Variants in ATL3 observed in about 807,000 individuals in gnomAD.
ATL3 encodes atlastin-3.
A neutral mutation model predicts 69.5 loss-of-function variants in ATL3; 49 were observed. The ratio of observed to expected loss-of-function variants is 0.71; its 90% CI spans 0.56 to 0.89. The LOEUF is 0.89. Ranked by LOEUF, ATL3 falls within the 40% of genes least tolerant of loss-of-function variation. The pLI is 0.00. For synonymous variants in ATL3, 214 were observed against 224.1 expected (o/e 0.95, Z 0.40); for missense variants, 606 against 645.7 (o/e 0.94, Z 0.67).
Position 63,628,200 on chromosome 11 carries a change from A to ACCATGACTTAT in ATL3, c.*1118_*1119insATAAGTCATGG, listed in dbSNP as rs1939182510. ...AAGTTCAAGTGACTTATCAGAGGTC[A>ACCATGACTTAT]CATGGTTCATTTAAACTTAGCTTTT... is the stretch of plus-strand genomic sequence containing the variant. On this transcript the variant is annotated 3_prime_UTR_variant, in exon 13 of 13. Transcript: ENST00000398868. 1 of 152,214 alleles carries ACCATGACTTAT rather than the reference A, an allele frequency of 6.6e-6. No individual in the cohort carries two copies. Among genetic ancestry groups the ACCATGACTTAT allele is most frequent in the East Asian group, 1.9e-4 (1 of 5,200 alleles). 9.4% of individuals were successfully genotyped at this position (152,214 alleles called of 1,614,324 possible).
intron 9 of ATL3, 146 bp downstream of exon 9, chr11:63,636,061 G>A (rs1053305869): frequency 1.0e-5 from 10 of 987,342 alleles, no homozygotes; most frequent in Admixed American, 2.6e-5. Context: ...CCCACTCCTG[G>A]AAGGACACCA....
intron 3 of ATL3, among the ~76,000 whole-genome samples, chr11:63,655,307 C>T (rs537259354): frequency 7.9e-5 from 12 of 152,254 alleles, no homozygotes; most frequent in Non-Finnish European, 1.3e-4. Flanking sequence ...GGCGCCACCA[C>T]GCCCAGCTAA....
intron 1 of ATL3, among the ~76,000 whole-genome samples, chr11:63,667,868 C>T (rs1040456418): frequency 1.3e-5 from 2 of 152,078 alleles, no homozygotes; most frequent in African/African-American, 2.4e-5. Context: ...GGCTATCCTA[C>T]GCACTACAGG....
At chr11:63,656,994 G>A (rs542920053) in intron 3 of ATL3, among the ~76,000 whole-genome samples, 3 of 151,932 alleles carry the variant, frequency 2.0e-5, no homozygotes, top group South Asian at 2.1e-4. Context: ...GGCGGATCAC[G>A]AGGTCAGGAG....
intron 1 of ATL3, among the ~76,000 whole-genome samples, chr11:63,665,510 G>A (rs1209293134): frequency 6.6e-6 from 1 of 152,112 alleles, no homozygotes; most frequent in Non-Finnish European, 1.5e-5. Flanking sequence ...ACCAGGCTCT[G>A]TTTAGTTGGA....
chr11:63,649,526 T>C (rs1590733953), intron 5 of ATL3, among the ~76,000 whole-genome samples: 1 of 151,874 alleles, frequency 6.6e-6, no homozygotes, highest in East Asian at 1.9e-4. Context: ...AGAAATATAA[T>C]TTTATTTTCT....
At chr11:63,663,411 G>A (rs1275581029) in intron 1 of ATL3, among the ~76,000 whole-genome samples, 1 of 152,216 alleles carries the variant, frequency 6.6e-6, no homozygotes, top group Non-Finnish European at 1.5e-5. Context: ...CACTGTGAAT[G>A]TGGATGATAG....
chr11:63,657,611 T>C (rs1940296241), intron 3 of ATL3, among the ~76,000 whole-genome samples: 1 of 152,242 alleles, frequency 6.6e-6, no homozygotes, highest in Non-Finnish European at 1.5e-5. Context: ...TGACAGCTGC[T>C]TTCTGTTAGA....
At position 63,640,549 on chromosome 11, in the gene ATL3, T is replaced by C. The variant is rs138115229; in HGVS notation, c.850+2808A>G. On this transcript the variant is annotated intron_variant, in intron 8 of 12. Coordinates refer to ENST00000398868, the MANE Select transcript of ATL3 (RefSeq NM_015459.5). Reference sequence around the variant, plus strand: ...CCAACTCCACATAAAGACACATTTGTGTTGTTTCCAGTTATTCTCTATGAT... The same window carrying C: ...CCAACTCCACATAAAGACACATTTGCGTTGTTTCCAGTTATTCTCTATGAT... Among the ~76,000 whole-genome samples the C allele has an allele frequency of 6.0e-3, 910 of 151,172 alleles. 7 individuals carry two copies. Among genetic ancestry groups the C allele is most frequent in the African/African-American group, 0.021 (847 of 41,218 alleles).
intron 3 of ATL3, 54 bp from the exon 4 acceptor site, chr11:63,652,629 G>T: frequency 1.5e-6 from 2 of 1,349,394 alleles, no homozygotes; most frequent in Non-Finnish European, 2.1e-6. Flanking sequence ...GGAGGAAACC[G>T]TAAAGGAGAA....
At chr11:63,662,257 T>G (rs1391729873) in intron 1 of ATL3, among the ~76,000 whole-genome samples, 1 of 151,232 alleles carries the variant, frequency 6.6e-6, no homozygotes, top group Non-Finnish European at 1.5e-5. Context: ...TCAGAGCCAC[T>G]TAGTAGCTGT....
At chr11:63,652,023 T>C (rs1461308558) in intron 4 of ATL3, 37 bp from the exon 5 acceptor site, 45 of 1,581,746 alleles carry the variant, frequency 2.8e-5, no homozygotes, top group Non-Finnish European at 3.8e-5. Flanking sequence ...CTACTCTGGC[T>C]TACTTCAAAC....
At chr11:63,639,341 G>C (rs543943304) in intron 8 of ATL3, among the ~76,000 whole-genome samples, 1 of 152,292 alleles carries the variant, frequency 6.6e-6, no homozygotes, top group South Asian at 2.1e-4. Flanking sequence ...AATTCTTCAT[G>C]AACAATCCTC....
At chr11:63,634,887 C>A (rs1939464487) in intron 10 of ATL3, among the ~76,000 whole-genome samples, 1 of 151,992 alleles carries the variant, frequency 6.6e-6, no homozygotes, top group Non-Finnish European at 1.5e-5. Flanking sequence ...TATAGCCAGG[C>A]ATGGTGGCTC....
chr11:63,635,499 A>G, intron 10 of ATL3, 35 bp downstream of exon 10: 1 of 1,570,392 alleles, frequency 6.4e-7, no homozygotes, highest in African/African-American at 1.4e-5. Flanking sequence ...CAAGTAATTT[A>G]AGGGTAGCGT....
At position 63,652,525 on chromosome 11, in the gene ATL3, A is replaced by G. The variant is rs757185483; in HGVS notation, c.456T>C (p.Thr152=). The G allele has an allele frequency of 6.2e-6, 10 of 1,612,372 alleles. No individual in the cohort carries two copies. In the South Asian group the frequency reaches 1.1e-4, roughly 18 times the overall value. Residue 152 remains threonine, a synonymous_variant, in exon 4 of 13, where the codon ACT becomes ACC. Coordinates refer to ENST00000398868, the MANE Select transcript of ATL3 (RefSeq NM_015459.5). ...DTQGAFDSQS[T]VKDCATIFAL... ...CAAAGATGGTAGCACAGTCTTTCAC[A>G]GTTGACTGGCTGTCAAATGCCCCCT...
intron 3 of ATL3, among the ~76,000 whole-genome samples, chr11:63,657,779 A>G (rs1313237502): frequency 6.6e-6 from 1 of 152,196 alleles, no homozygotes; most frequent in Non-Finnish European, 1.5e-5. Flanking sequence ...TCAGAAAATA[A>G]CAGTTCATAA....
chr11:63,642,581 C>T (rs1359954864), intron 8 of ATL3, among the ~76,000 whole-genome samples: 6 of 152,108 alleles, frequency 3.9e-5, no homozygotes, highest in African/African-American at 9.7e-5. Context: ...TGTAGATCTA[C>T]GCCTCACCAC....
chr11:63,634,669 C>A (rs948232373), intron 10 of ATL3, among the ~76,000 whole-genome samples: 5 of 152,120 alleles, frequency 3.3e-5, no homozygotes, highest in Non-Finnish European at 5.9e-5. Context: ...ATTCTAGTTG[C>A]AAATTAAAAA....
Sources: allele counts gnomAD v4.1 joint callset (sites outside exome capture counted in the v4.1 genomes callset), GRCh38; gene constraint gnomAD v4.1.1; transcripts MANE v1.5; gene names NCBI Gene and HGNC (gene_info 2026-07-23, HGNC 2026-07-21).